Variants in RAD54L2 observed in about 807,000 individuals in gnomAD.
The protein encoded by RAD54L2 is helicase ARIP4.
RAD54L2 carries 27 observed loss-of-function variants against 138.4 expected under a neutral mutation model. The observed-to-expected ratio is 0.20, with a 90% CI of 0.14 to 0.27. The LOEUF (loss-of-function observed/expected upper bound fraction) is 0.27. Ranked by LOEUF, RAD54L2 falls within the 10% of genes least tolerant of loss-of-function variation. The pLI, the probability that RAD54L2 is intolerant of heterozygous loss-of-function variation, is 1.00. For synonymous variants in RAD54L2, 644 were observed against 723.2 expected (o/e 0.89, Z 1.76); for missense variants, 1,396 against 1,890.2 (o/e 0.74, Z 4.85).
intron 2 of RAD54L2, among the ~76,000 whole-genome samples, chr3:51,546,956 G>A (rs1383807916): frequency 1.3e-5 from 2 of 150,890 alleles, no homozygotes; most frequent in African/African-American, 4.9e-5. Flanking sequence ...TTGAATCCGG[G>A]AGGCAAAGGT....
At chr3:51,600,650 A>G (rs1700059666) in intron 3 of RAD54L2, among the ~76,000 whole-genome samples, 1 of 152,080 alleles carries the variant, frequency 6.6e-6, no homozygotes, top group Admixed American at 6.6e-5. Flanking sequence ...ACTTAGATTT[A>G]TTGTTTGTAA....
At chr3:51,613,781 A>G (rs1464243318) in intron 3 of RAD54L2, among the ~76,000 whole-genome samples, 1 of 152,134 alleles carries the variant, frequency 6.6e-6, no homozygotes, top group Non-Finnish European at 1.5e-5. Context: ...AAAAAAAAAA[A>G]AAAGGTACGT....
At chr3:51,549,907 A>G (rs142974913) in intron 2 of RAD54L2, among the ~76,000 whole-genome samples, 40 of 151,186 alleles carry the variant, frequency 2.6e-4, no homozygotes, top group African/African-American at 8.8e-4. Flanking sequence ...CCTGTGTTTC[A>G]CCTACCTCCC....
chr3:51,594,860 C>CTTTTTTTTT (rs71278623), intron 3 of RAD54L2, among the ~76,000 whole-genome samples: 2 of 33,600 alleles, frequency 6.0e-5, no homozygotes, highest in African/African-American at 1.2e-4. Context: ...TTGATGGGCG[C>CTTTTTTTTT]TTTTTTTTTT....
chr3:51,599,144 T>C (rs891395012), intron 3 of RAD54L2, among the ~76,000 whole-genome samples: 2 of 152,154 alleles, frequency 1.3e-5, no homozygotes, highest in Middle Eastern at 3.2e-3. Flanking sequence ...GCAGAATTAA[T>C]TGGTCGCTTG....
At chr3:51,590,621 T>C in intron 3 of RAD54L2, 62 bp downstream of exon 3, 1 of 1,551,870 alleles carries the variant, frequency 6.4e-7, no homozygotes, top group Non-Finnish European at 8.7e-7. Flanking sequence ...GAATTTTTGC[T>C]GGGAGACCTT....
At chr3:51,577,860 G>A (rs186719623) in intron 2 of RAD54L2, among the ~76,000 whole-genome samples, 76 of 152,240 alleles carry the variant, frequency 5.0e-4, no homozygotes, top group Middle Eastern at 3.4e-3. Context: ...TACGCTGGGA[G>A]CTGTAGACTG....
intron 3 of RAD54L2, 126 bp from the exon 4 acceptor site, chr3:51,627,427 A>G (rs1700716612): frequency 1.2e-6 from 1 of 838,290 alleles, no homozygotes; most frequent in Non-Finnish European, 1.9e-6. Flanking sequence ...AGAGAGATAT[A>G]AAGAATTTGC....
At chr3:51,589,759 A>G (rs1445374238) in intron 2 of RAD54L2, among the ~76,000 whole-genome samples, 1 of 152,036 alleles carries the variant, frequency 6.6e-6, no homozygotes, top group East Asian at 1.9e-4. Context: ...GTTGGTGCTC[A>G]GGAAACAGTT....
At chr3:51,608,420 G>A (rs564790278) in intron 3 of RAD54L2, among the ~76,000 whole-genome samples, 8 of 152,174 alleles carry the variant, frequency 5.3e-5, no homozygotes, top group Non-Finnish European at 8.8e-5. Flanking sequence ...CTTCCTAGAC[G>A]GGGTGGCGGC....
intron 3 of RAD54L2, among the ~76,000 whole-genome samples, chr3:51,602,333 C>T (rs569962942): frequency 6.6e-6 from 1 of 152,214 alleles, no homozygotes; most frequent in East Asian, 1.9e-4. Context: ...GAGAATAGAA[C>T]TTAGTGGCAC....
chr3:51,575,837 A>G (rs1357050546), intron 2 of RAD54L2, among the ~76,000 whole-genome samples: 1 of 152,098 alleles, frequency 6.6e-6, no homozygotes, highest in African/African-American at 2.4e-5. Context: ...AATACCCTTT[A>G]TTTCTTTCTC....
At chr3:51,618,220 G>T (rs1334470012) in intron 3 of RAD54L2, among the ~76,000 whole-genome samples, 5 of 150,102 alleles carry the variant, frequency 3.3e-5, no homozygotes, top group Non-Finnish European at 5.9e-5. Flanking sequence ...CTCGTGATCT[G>T]CCTGCCTTGG....
At chr3:51,599,377 G>C (rs1487390317) in intron 3 of RAD54L2, among the ~76,000 whole-genome samples, 1 of 152,076 alleles carries the variant, frequency 6.6e-6, no homozygotes, top group Non-Finnish European at 1.5e-5. Flanking sequence ...CTTTTCTAGG[G>C]ATAGGATTAG....
In RAD54L2 at chr3:51,635,710, A is replaced by T; in HGVS notation, c.1260A>T (p.Arg420Ser). Residue 420 changes from arginine (R) to serine (S), a missense_variant, in exon 10 of 23, where the codon AGA becomes AGT. Arg to Ser is a moderately radical substitution (Grantham distance 110). This residue lies in a region of RAD54L2 where 169 missense variants were observed against 235.6 expected (regional missense o/e 0.72). Coordinates refer to ENST00000684192, the MANE Select transcript of RAD54L2 (RefSeq NM_015106.4). ...LTLKKSFATG[R>S]PKKTKKRSHP... The stretch of plus-strand genomic sequence containing the variant: ...TGAAGAAATCATTTGCCACAGGTAG[A>T]CCGAAGAAAACCAAGAAGCGTTCTC... The T allele has an allele frequency of 1.2e-6, 2 of 1,613,872 alleles. No homozygotes were observed. Among genetic ancestry groups the T allele is most frequent in the Non-Finnish European group, 1.7e-6 (2 of 1,179,868 alleles).
rs768354274 is a variant in RAD54L2, at chr3:51,626,436, C to CTTTTTTTTTTTTTTTTTTTTTTTT, written c.140-1114_140-1091dup. Among the ~76,000 whole-genome samples the CTTTTTTTTTTTTTTTTTTTTTTTT allele has an allele frequency of 3.6e-4, 14 of 39,392 alleles. 6 individuals carry two copies. Among genetic ancestry groups the CTTTTTTTTTTTTTTTTTTTTTTTT allele is most frequent in the Admixed American group, 3.5e-3 (7 of 1,994 alleles). 25.8% of individuals were successfully genotyped at this position (39,392 alleles called of 152,430 possible). On this transcript the variant is annotated intron_variant, in intron 3 of 22. Coordinates refer to ENST00000684192, the MANE Select transcript of RAD54L2 (RefSeq NM_015106.4). Reference sequence around the variant, plus strand: ...TGACATCCCCTGGACCCCCAACGATCTTTTTTTTTTTTTTTTTTTTTTTTT... The same window carrying CTTTTTTTTTTTTTTTTTTTTTTTT: ...TGACATCCCCTGGACCCCCAACGATCTTTTTTTTTTTTTTTTTTTTTTTTTTTTTTTTTTTTTTTTTTTTTTTTT...
In RAD54L2 at chr3:51,662,511, C is replaced by G; in HGVS notation, c.3495C>G (p.Ala1165=). 6.2e-7 allele frequency: 1 copy of G among 1,612,530 alleles called. No individual in the cohort carries two copies. The highest frequency in any genetic ancestry group is 8.5e-7 in the Non-Finnish European group (1 of 1,179,092). Residue 1165 remains alanine, a synonymous_variant, in exon 23 of 23, where the codon GCC becomes GCG. Coordinates refer to ENST00000684192, the MANE Select transcript of RAD54L2 (RefSeq NM_015106.4). This position sits in a 1 kb window ranked among gnomAD's most constrained non-coding sequence, Gnocchi z 4.6. ...AAGCCCCCGACCCTGAGGGGCTGGC[C>G]AGGCCCGTCTCTCCTGACAGCCCAG... ...SPKAPDPEGL[A]RPVSPDSPEI... is the part of the protein sequence containing the mutation.
chr3:51,597,792 C>T (rs1213392895), intron 3 of RAD54L2, among the ~76,000 whole-genome samples: 1 of 151,972 alleles, frequency 6.6e-6, no homozygotes, highest in Admixed American at 6.6e-5. Flanking sequence ...CGTGCCATTG[C>T]ACTCCAGCCT....
chr3:51,644,473 CA>C (rs1313787141), intron 16 of RAD54L2, among the ~76,000 whole-genome samples: 1 of 152,126 alleles, frequency 6.6e-6, no homozygotes. Flanking sequence ...AAATGAACAA[CA>C]ACAACAAAAT....
Sources: allele counts gnomAD v4.1 joint callset (sites outside exome capture counted in the v4.1 genomes callset), GRCh38; gene constraint gnomAD v4.1.1; regional missense constraint gnomAD v4.1.1; non-coding constraint Gnocchi (gnomAD v3.1); transcripts MANE v1.5; gene names NCBI Gene and HGNC (gene_info 2026-07-23, HGNC 2026-07-21).